CDH13: variants seen among roughly 807,000 people sequenced by gnomAD.
CDH13 encodes the protein cadherin-13.
In CDH13, 24 loss-of-function variants were observed where a neutral mutation model predicts 63.8. That is an observed-to-expected ratio of 0.38 (90% CI 0.27 to 0.53). The LOEUF (loss-of-function observed/expected upper bound fraction) is 0.53, where lower values mean the gene tolerates loss of function less well. Ranked by LOEUF, CDH13 falls within the 20% of genes least tolerant of loss-of-function variation. CDH13 has a pLI of 0.85. For missense variants in CDH13, 1,049 were observed against 903.1 expected, an observed-to-expected ratio of 1.16 and a Z score of -2.07; for synonymous variants, 503 against 355.3, an observed-to-expected ratio of 1.42 and a Z score of -4.67.
At chr16:83,136,000 A>G (rs1402791711) in intron 4 of CDH13, among the ~76,000 whole-genome samples, 1 of 152,058 alleles carries the variant, frequency 6.6e-6, no homozygotes, top group Non-Finnish European at 1.5e-5. Context: ...GCATGATACA[A>G]CGGACTTTGG....
At position 83,783,387 on chromosome 16, in the gene CDH13, G is replaced by T. The variant is rs757204498; in HGVS notation, c.2049G>T (p.Arg683Ser). Residue 683 changes from arginine (R) to serine (S), a missense_variant, in exon 13 of 14, where the codon AGG (arginine) becomes AGT (serine). Physicochemically the swap from Arg to Ser is moderately radical, Grantham distance 110. Coordinates refer to ENST00000567109, the MANE Select transcript of CDH13 (RefSeq NM_001257.5). Reference protein sequence around the residue: ...TDLRVQVCSCRNSKVDCNAAG... With the variant: ...TDLRVQVCSCSNSKVDCNAAG... The stretch of plus-strand genomic sequence containing the variant: ...TCAGGGTACAAGTGTGCTCCTGCAG[G>T]AATTCCAAAGTGGACTGCAACGCGG... 6.2e-7 allele frequency: 1 copy of T among 1,614,008 alleles called. No homozygotes were observed.
At chr16:83,506,189 T>C (rs2074390177) in intron 7 of CDH13, among the ~76,000 whole-genome samples, 2 of 152,140 alleles carry the variant, frequency 1.3e-5, no homozygotes, top group African/African-American at 4.8e-5. Flanking sequence ...GATGCTGTCT[T>C]CATTAAGGCC....
rs547649788 is a variant in CDH13 at position 83,406,469 on chromosome 16, C to G, written c.781+61463C>G. Among the ~76,000 whole-genome samples, 6 of 149,338 alleles carry G rather than the reference C, an allele frequency of 4.0e-5. No homozygotes were observed. The East Asian group carries it at 1.0e-3, about 25-fold the overall frequency. On this transcript the variant is annotated intron_variant, in intron 6 of 13. Transcript: ENST00000567109. ...CTCCCCTTTCTCTTTTTCTCTCTCTCTCTTTCTTTCTTTCAGTGGAGTCTT... is the reference window on the plus strand; with the variant it reads ...CTCCCCTTTCTCTTTTTCTCTCTCTGTCTTTCTTTCTTTCAGTGGAGTCTT...
intron 10 of CDH13, among the ~76,000 whole-genome samples, chr16:83,726,545 A>G (rs766514651): frequency 1.1e-4 from 16 of 152,140 alleles, no homozygotes; most frequent in Non-Finnish European, 2.1e-4. Flanking sequence ...AAATCAAAAC[A>G]TCACTGTTGG....
At chr16:82,700,113 T>C (rs2030802058) in intron 1 of CDH13, among the ~76,000 whole-genome samples, 1 of 152,226 alleles carries the variant, frequency 6.6e-6, no homozygotes, top group Non-Finnish European at 1.5e-5. Context: ...AGAAGGGTTA[T>C]AGCATCAAAG....
chr16:82,727,328 C>G lies in CDH13; in HGVS notation c.45+100191C>G, dbSNP rs2033154271. The G allele has an allele frequency of 2.0e-5, 3 of 152,048 alleles. No individual in the cohort carries two copies. The South Asian group carries it at 6.2e-4, about 32-fold the overall frequency. 9.4% of individuals were successfully genotyped at this position (152,048 alleles called of 1,614,324 possible). A position where few individuals can be genotyped will look rare whatever the true frequency, so the allele number is the denominator to read the frequency against. On this transcript the variant is annotated intron_variant, in intron 1 of 13. Coordinates refer to ENST00000567109, the MANE Select transcript of CDH13 (RefSeq NM_001257.5). ...CCTCTCCCATTGCATTTTTTTTCCT[C>G]TCTAATGCACCAAATTAGAAGATTG...
rs1241180598 is a variant in CDH13 at position 83,326,425 on chromosome 16, C to CTT, written c.637-18421_637-18420dup. Among the ~76,000 whole-genome samples the CTT allele has an allele frequency of 5.9e-3, 743 of 126,644 alleles. 9 individuals carry two copies. Among genetic ancestry groups the CTT allele is most frequent in the African/African-American group, 0.021 (713 of 34,536 alleles). The allele number at this position is 126,644 out of a possible 152,430, so 83.1% of individuals were successfully genotyped here. On this transcript the variant is annotated intron_variant, in intron 5 of 13. Transcript: ENST00000567109. ...ACTACCATGGACACCACACTTGGTGCTTTTTTTTTTTTTTTTTAACTTTTG... is the reference window on the plus strand; with the variant it reads ...ACTACCATGGACACCACACTTGGTGCTTTTTTTTTTTTTTTTTTTAACTTTTG...
chr16:82,849,617 A>G (rs2039398725), intron 1 of CDH13, among the ~76,000 whole-genome samples: 1 of 152,264 alleles, frequency 6.6e-6, no homozygotes, highest in Non-Finnish European at 1.5e-5. Context: ...GATACATTAA[A>G]TAATACATTT....
intron 1 of CDH13, among the ~76,000 whole-genome samples, chr16:82,679,950 G>A (rs1287143738): frequency 6.6e-6 from 1 of 152,118 alleles, no homozygotes; most frequent in East Asian, 1.9e-4. Context: ...TCAGTATATC[G>A]TGATCTTCTT....
At chr16:83,624,777 G>A (rs1000309733) in intron 8 of CDH13, among the ~76,000 whole-genome samples, 2 of 152,144 alleles carry the variant, frequency 1.3e-5, no homozygotes, top group Non-Finnish European at 2.9e-5. Flanking sequence ...CTGCACCAAC[G>A]TGACCTCAAG....
chr16:83,496,512 A>G (rs1454555637), intron 7 of CDH13, among the ~76,000 whole-genome samples: 2 of 152,042 alleles, frequency 1.3e-5, no homozygotes, highest in Admixed American at 1.3e-4. Flanking sequence ...AATCAATTCA[A>G]GATGGATTAA....
chr16:83,214,093 C>G (rs929619575), intron 4 of CDH13, among the ~76,000 whole-genome samples: 4 of 152,046 alleles, frequency 2.6e-5, no homozygotes, highest in African/African-American at 9.7e-5. Flanking sequence ...ACAACCTGCT[C>G]GGATCCCCTT....
At chr16:83,576,968 T>G (rs1472983912) in intron 7 of CDH13, among the ~76,000 whole-genome samples, 2 of 152,244 alleles carry the variant, frequency 1.3e-5, no homozygotes, top group Non-Finnish European at 2.9e-5. Context: ...TTCTTTATAA[T>G]GTCCACTTCA....
At chr16:82,926,964 C>T (rs1229267613) in intron 2 of CDH13, among the ~76,000 whole-genome samples, 2 of 152,100 alleles carry the variant, frequency 1.3e-5, no homozygotes, top group Non-Finnish European at 2.9e-5. Context: ...TGTGAGGGCT[C>T]AATGGGGACT....
At chr16:83,016,278 A>G (rs1197474638) in intron 2 of CDH13, among the ~76,000 whole-genome samples, 1 of 152,238 alleles carries the variant, frequency 6.6e-6, no homozygotes, top group Non-Finnish European at 1.5e-5. Flanking sequence ...TAATTTCCTG[A>G]TAAAGTCTTG....
intron 7 of CDH13, among the ~76,000 whole-genome samples, chr16:83,561,983 G>A (rs2075717021): frequency 6.6e-6 from 1 of 152,180 alleles, no homozygotes; most frequent in Non-Finnish European, 1.5e-5. Context: ...GAGCGATAGT[G>A]CCGCAGAGTC....
rs183186236 is a variant in CDH13 at position 82,677,782 on chromosome 16, C to G, written c.45+50645C>G. Among the ~76,000 whole-genome samples the G allele has an allele frequency of 7.7e-3, 1,170 of 152,318 alleles. 10 individuals are homozygous for G. Among genetic ancestry groups the G allele is most frequent in the Non-Finnish European group, 0.013 (866 of 68,040 alleles). The stretch of plus-strand genomic sequence containing the variant: ...TCAGTTCTACAATCTACATTTCCCC[C>G]TCCAATTTTTCTCCTCTTTTTTGAC... On this transcript the variant is annotated intron_variant, in intron 1 of 13. Transcript: ENST00000567109.
At chr16:82,932,588 T>G (rs1313019780) in intron 2 of CDH13, among the ~76,000 whole-genome samples, 4 of 152,224 alleles carry the variant, frequency 2.6e-5, no homozygotes, top group African/African-American at 9.6e-5. Context: ...TGAGGTAGAC[T>G]CAAGATCAGG....
intron 4 of CDH13, among the ~76,000 whole-genome samples, chr16:83,170,097 A>C (rs1371627650): frequency 2.0e-5 from 3 of 152,102 alleles, no homozygotes; most frequent in Non-Finnish European, 4.4e-5. Flanking sequence ...TCTAATACAT[A>C]CAACAATTTA....
Sources: allele counts gnomAD v4.1 joint callset (sites outside exome capture counted in the v4.1 genomes callset), GRCh38; gene constraint gnomAD v4.1.1; transcripts MANE v1.5; gene names NCBI Gene and HGNC (gene_info 2026-07-23, HGNC 2026-07-21).